The following NT5C2 variants were observed in gnomAD, a reference collection of about 807,000 sequenced individuals.
The protein encoded by NT5C2 is cytosolic purine 5'-nucleotidase.
A neutral mutation model predicts 76.1 loss-of-function variants in NT5C2; 58 were observed. The observed-to-expected ratio is 0.76, with a 90% CI of 0.62 to 0.95. NT5C2 has a LOEUF of 0.95. Among genes scored for constraint, NT5C2 ranks in the 40% least tolerant of loss-of-function variants. NT5C2 has a pLI of 0.00. For missense variants in NT5C2, 478 were observed against 690.3 expected (o/e 0.69, Z 3.45); for synonymous variants, 229 against 237.4 (o/e 0.96, Z 0.32).
At chr10:103,112,856 T>C (rs2073384493) in intron 4 of NT5C2, among the ~76,000 whole-genome samples, 1 of 152,214 alleles carries the variant, frequency 6.6e-6, no homozygotes, top group Non-Finnish European at 1.5e-5. Context: ...TCTAAGCCTC[T>C]AACTAGAAAA....
chr10:103,094,239 C>A (rs555583523), intron 13 of NT5C2, 109 bp downstream of exon 13: 2 of 766,234 alleles, frequency 2.6e-6, no homozygotes, highest in African/African-American at 1.8e-5. Flanking sequence ...AAGAGAGATA[C>A]GGCTAATTAA....
chr10:103,105,380 A>G, intron 6 of NT5C2: 1 of 968,126 alleles, frequency 1.0e-6, no homozygotes, highest in South Asian at 2.0e-5. Context: ...GCTACCTGAG[A>G]ACTGTATTAG....
At chr10:103,175,538 C>G (rs980127974) in intron 2 of NT5C2, 3 of 183,590 alleles carry the variant, frequency 1.6e-5, no homozygotes, top group African/African-American at 4.7e-5. Flanking sequence ...TGGCTACCCC[C>G]CAGCAGACCC....
intron 15 of NT5C2, among the ~76,000 whole-genome samples, chr10:103,092,687 G>A (rs1249486221): frequency 6.6e-6 from 1 of 152,148 alleles, no homozygotes; most frequent in Non-Finnish European, 1.5e-5. Context: ...AATACAATAT[G>A]GCCTCATTCT....
At chr10:103,192,767 A>G (rs1349913292) in intron 1 of NT5C2, among the ~76,000 whole-genome samples, 1 of 152,096 alleles carries the variant, frequency 6.6e-6, no homozygotes, top group Non-Finnish European at 1.5e-5. Context: ...GGCTTTTACA[A>G]GAAGCGAAAA....
chr10:103,192,083 T>C (rs2092684875), intron 1 of NT5C2, among the ~76,000 whole-genome samples: 1 of 152,162 alleles, frequency 6.6e-6, no homozygotes, highest in South Asian at 2.1e-4. Flanking sequence ...TGGTAAATAT[T>C]TTTGAAACCT....
chr10:103,131,784 T>A (rs1307066365), intron 4 of NT5C2, among the ~76,000 whole-genome samples: 1 of 152,144 alleles, frequency 6.6e-6, no homozygotes, highest in Non-Finnish European at 1.5e-5. Context: ...TATCTGGGCA[T>A]GGTGGCTTGC....
At chr10:103,125,267 C>T (rs2076444478) in intron 4 of NT5C2, 2 of 674,204 alleles carry the variant, frequency 3.0e-6, no homozygotes, top group Non-Finnish European at 5.2e-6. Context: ...TTCAAATTCG[C>T]CAATGGAACC....
chr10:103,166,229 AAG>A (rs1432200006), intron 3 of NT5C2, among the ~76,000 whole-genome samples: 2 of 152,232 alleles, frequency 1.3e-5, no homozygotes, highest in Admixed American at 1.3e-4. Context: ...AGTTAGACAC[AAG>A]AGTTTCCTCA....
chr10:103,090,196 G>T, intron 18 of NT5C2: 1 of 383,530 alleles, frequency 2.6e-6, no homozygotes, highest in Admixed American at 4.1e-5. Context: ...TCCTGAAACA[G>T]ATCAGAATAA....
At chr10:103,109,611 T>C (rs1449636559) in intron 4 of NT5C2, among the ~76,000 whole-genome samples, 1 of 152,222 alleles carries the variant, frequency 6.6e-6, no homozygotes, top group Non-Finnish European at 1.5e-5. Context: ...ATGTTTTCAA[T>C]TGTTAATTTT....
rs187429960 is a variant in NT5C2 at position 103,121,466 on chromosome 10, G to C, written c.176-14760C>G. ...TGACAGAAACATGATGAGGGCCCTG[G>C]ACTCTAGTCCAAGTAAACACACCAT... On this transcript the variant is annotated intron_variant, in intron 4 of 18. Coordinates refer to ENST00000404739, the MANE Select transcript of NT5C2 (RefSeq NM_001351169.2). 7.2e-4 allele frequency among the ~76,000 whole-genome samples: 110 copies of C among 152,204 alleles called. 1 individual carries two copies. The highest frequency in any genetic ancestry group is 2.6e-3 in the Admixed American group (40 of 15,290).
At chr10:103,094,287 T>TG in intron 13 of NT5C2, 61 bp downstream of exon 13, 1 of 1,086,850 alleles carries the variant, frequency 9.2e-7, no homozygotes, top group Non-Finnish European at 1.4e-6. Flanking sequence ...AGAGTAAGAG[T>TG]GGGGGAAGGA....
intron 3 of NT5C2, among the ~76,000 whole-genome samples, chr10:103,156,617 T>C (rs971787098): frequency 5.9e-5 from 9 of 151,548 alleles, no homozygotes; most frequent in Middle Eastern, 6.4e-3. Context: ...TAGCCAGGCA[T>C]GGTGGCGCAT....
intron 11 of NT5C2, among the ~76,000 whole-genome samples, chr10:103,096,845 C>CAAAAAAAAAA: frequency 3.2e-5 from 1 of 31,370 alleles, no homozygotes; most frequent in Non-Finnish European, 6.0e-5. Flanking sequence ...GACTCTGTCT[C>CAAAAAAAAAA]AAAAAAAAAA....
intron 10 of NT5C2, chr10:103,097,877 A>T: frequency 2.6e-6 from 1 of 388,106 alleles, no homozygotes; most frequent in Non-Finnish European, 4.9e-6. Flanking sequence ...TTAAATGAGG[A>T]AATTCTAACC....
intron 3 of NT5C2, among the ~76,000 whole-genome samples, chr10:103,164,489 CTT>C (rs1439070131): frequency 6.6e-6 from 1 of 152,062 alleles, no homozygotes; most frequent in Non-Finnish European, 1.5e-5. Context: ...ATCTCTTGAC[CTT>C]GTGATCCACC....
At chr10:103,190,191 G>C (rs1318740418) in intron 1 of NT5C2, among the ~76,000 whole-genome samples, 1 of 151,598 alleles carries the variant, frequency 6.6e-6, no homozygotes, top group East Asian at 1.9e-4. Context: ...AGTAGAGATG[G>C]GGTTTCACCA....
At chr10:103,099,304 A>G (rs534338466) in intron 9 of NT5C2, among the ~76,000 whole-genome samples, 74 of 152,306 alleles carry the variant, frequency 4.9e-4, no homozygotes, top group African/African-American at 1.6e-3. Flanking sequence ...TGAACTCCTG[A>G]GCTCAAGCAA....
Sources: gnomAD v4.1 joint callset for allele counts (sites outside exome capture counted in the v4.1 genomes callset) on GRCh38, gnomAD v4.1.1 for gene constraint, MANE v1.5 for transcripts, NCBI Gene and HGNC (gene_info 2026-07-23, HGNC 2026-07-21) for gene names.